Variants in NR3C2 observed in about 807,000 individuals in gnomAD.
NR3C2 encodes the protein mineralocorticoid receptor.
A neutral mutation model predicts 86.4 loss-of-function variants in NR3C2; 15 were observed. That is an observed-to-expected ratio of 0.17 (90% CI 0.12 to 0.27). NR3C2 has a LOEUF of 0.27. Ranked by LOEUF, NR3C2 falls within the 10% of genes least tolerant of loss-of-function variation. The pLI is 1.00. For missense variants in NR3C2, 960 were observed against 1,195.6 expected (o/e 0.80, Z 2.91); for synonymous variants, 458 against 450.5 (o/e 1.02, Z -0.21).
At chr4:148,389,182 G>A (rs1561079339) in intron 2 of NR3C2, among the ~76,000 whole-genome samples, 1 of 152,066 alleles carries the variant, frequency 6.6e-6, no homozygotes, top group East Asian at 1.9e-4. Flanking sequence ...GTTTTTTGAA[G>A]CAATCCAACT....
In NR3C2 at chr4:148,081,369, T is replaced by C. The variant is rs766065448; in HGVS notation, c.2930A>G (p.Lys977Arg). ...TCACTTCCGGTGGAAGTAGAGCGGC[T>C]TGGCGTTCCCCGACTCCACCTTGGG... ...QLPKVESGNA[K>R]PLYFHRK is the part of the protein sequence containing the mutation. The change falls in exon 9 of 9, where the codon AAG becomes AGG. Residue 977 changes from lysine to arginine, a missense_variant. Physicochemically the swap from Lys to Arg is conservative, Grantham distance 26. This residue lies in a region of NR3C2 where 151 missense variants were observed against 296.3 expected (regional missense o/e 0.51). Transcript: ENST00000358102. 1.2e-6 allele frequency: 2 copies of C among 1,614,062 alleles called. No individual in the cohort carries two copies. The highest frequency in any genetic ancestry group is 1.7e-6 in the Non-Finnish European group (2 of 1,180,042).
intron 2 of NR3C2, among the ~76,000 whole-genome samples, chr4:148,291,029 CT>C (rs1741773764): frequency 1.3e-5 from 2 of 152,148 alleles, no homozygotes; most frequent in Admixed American, 1.3e-4. Context: ...CACTCGTCTA[CT>C]TAACAACCAT....
At chr4:148,363,288 G>C (rs1745933124) in intron 2 of NR3C2, among the ~76,000 whole-genome samples, 1 of 152,130 alleles carries the variant, frequency 6.6e-6, no homozygotes, top group African/African-American at 2.4e-5. Flanking sequence ...CTGAAAAGCA[G>C]AGAGATTTTA....
At chr4:148,311,435 A>G (rs1220950047) in intron 2 of NR3C2, among the ~76,000 whole-genome samples, 1 of 152,178 alleles carries the variant, frequency 6.6e-6, no homozygotes, top group Non-Finnish European at 1.5e-5. Flanking sequence ...CCCCGGAGCC[A>G]TCTTTTTCTC....
chr4:148,332,854 A>G (rs1381889305), intron 2 of NR3C2, among the ~76,000 whole-genome samples: 1 of 152,160 alleles, frequency 6.6e-6, no homozygotes, highest in Non-Finnish European at 1.5e-5. Context: ...AGGGTGTGTT[A>G]GAGTGTGTAT....
intron 6 of NR3C2, among the ~76,000 whole-genome samples, chr4:148,134,603 T>TA (rs2149745990): frequency 6.8e-6 from 1 of 147,932 alleles, no homozygotes; most frequent in Non-Finnish European, 1.5e-5. Context: ...GACAACACCT[T>TA]AAAAGTGTTA....
rs1561004196 is a variant in NR3C2 at position 148,257,751 on chromosome 4, CAAAAACACAAAAACAA to C, written c.1897+2211_1897+2226del. Among the ~76,000 whole-genome samples the C allele has an allele frequency of 2.0e-5, 3 of 151,940 alleles. No individual in the cohort carries two copies. In the East Asian group the frequency reaches 5.8e-4, roughly 29 times the overall value. On this transcript the variant is annotated intron_variant, in intron 3 of 8. Coordinates refer to ENST00000358102, the MANE Select transcript of NR3C2 (RefSeq NM_000901.5). ...TAAAAGAGTAAACTAACAAAAAATA[CAAAAACACAAAAACAA>C]ATAGGTCTTTACTCTCATGAATTTT...
rs760282439 is a variant in NR3C2, at chr4:148,081,517, G to A, written c.2800-18C>T. 3 of 1,613,918 alleles carry A rather than the reference G, an allele frequency of 1.9e-6. No individual in the cohort carries two copies. The highest frequency in any genetic ancestry group is 3.3e-5 in the Admixed American group (2 of 60,014). ...CTCACCAGCTGTAACACAGACACAGGGGGCATGACACGGGGGCCTCCTTTC... is the reference window on the plus strand; with the variant it reads ...CTCACCAGCTGTAACACAGACACAGAGGGCATGACACGGGGGCCTCCTTTC... On this transcript the variant is annotated intron_variant, in intron 8 of 8. Transcript: ENST00000358102.
In NR3C2 at chr4:148,109,403, G is replaced by A. The variant is rs559461759; in HGVS notation, c.2799+4701C>T. 7.9e-5 allele frequency among the ~76,000 whole-genome samples: 12 copies of A among 152,292 alleles called. No homozygotes were observed. The South Asian group carries it at 2.1e-3, about 26-fold the overall frequency. ...GTATTTGTTGAATGAGATGAATATC[G>A]TCCTCTATCGATTACTAAGGACAGA... On this transcript the variant is annotated intron_variant, in intron 8 of 8. Transcript: ENST00000358102.
At chr4:148,148,234 G>C (rs1733957262) in intron 6 of NR3C2, among the ~76,000 whole-genome samples, 1 of 152,086 alleles carries the variant, frequency 6.6e-6, no homozygotes, top group African/African-American at 2.4e-5. Context: ...CAGAGGCTTG[G>C]AAGTCTTCCT....
chr4:148,210,505 C>A lies in NR3C2; in HGVS notation c.1898-15643G>T, dbSNP rs940915220. On this transcript the variant is annotated intron_variant, in intron 3 of 8. Coordinates refer to ENST00000358102, the MANE Select transcript of NR3C2 (RefSeq NM_000901.5). ...TGCACCCAGCCACTAATTCTGGGTT[C>A]CTAATGTTCTCTCCAGTGGGCTCCA... 3.3e-5 allele frequency among the ~76,000 whole-genome samples: 5 copies of A among 152,110 alleles called. No homozygotes were observed. In the East Asian group the frequency reaches 9.6e-4, roughly 29 times the overall value.
At chr4:148,169,385 CAT>C (rs1735023871) in intron 4 of NR3C2, among the ~76,000 whole-genome samples, 1 of 151,878 alleles carries the variant, frequency 6.6e-6, no homozygotes, top group African/African-American at 2.4e-5. Context: ...CTGAGAAACA[CAT>C]ATGATATATT....
chr4:148,348,954 C>T (rs1477009594), intron 2 of NR3C2, among the ~76,000 whole-genome samples: 1 of 152,094 alleles, frequency 6.6e-6, no homozygotes, highest in African/African-American at 2.4e-5. Context: ...TTAAGGTTAC[C>T]TTAAGTGTTA....
chr4:148,106,372 A>G (rs1442019083), intron 8 of NR3C2, among the ~76,000 whole-genome samples: 1 of 152,232 alleles, frequency 6.6e-6, no homozygotes, highest in Non-Finnish European at 1.5e-5. Flanking sequence ...GAGGACACAA[A>G]CAAACGGAAA....
intron 2 of NR3C2, among the ~76,000 whole-genome samples, chr4:148,370,122 G>A (rs555059855): frequency 6.6e-6 from 1 of 152,278 alleles, no homozygotes; most frequent in African/African-American, 2.4e-5. Context: ...AGTGACAGGT[G>A]CAAGACAACT....
At chr4:148,385,742 TC>T (rs1189691666) in intron 2 of NR3C2, among the ~76,000 whole-genome samples, 1 of 151,948 alleles carries the variant, frequency 6.6e-6, no homozygotes, top group African/African-American at 2.4e-5. Flanking sequence ...CTGCACATAC[TC>T]CCCCATGCCA....
intron 2 of NR3C2, among the ~76,000 whole-genome samples, chr4:148,393,410 T>C (rs558159476): frequency 2.6e-5 from 4 of 152,292 alleles, no homozygotes; most frequent in South Asian, 4.1e-4. Context: ...GGTAGATCCC[T>C]GAAATGTGCC....
rs1258920945 is a variant in NR3C2, at chr4:148,078,992, T to C, written c.*2352A>G. The C allele has an allele frequency of 6.6e-6, 1 of 152,558 alleles. No individual in the cohort carries two copies. The highest frequency in any genetic ancestry group is 1.5e-5 in the Non-Finnish European group (1 of 68,026). 9.5% of individuals were successfully genotyped at this position (152,558 alleles called of 1,614,324 possible). Reference sequence around the variant, plus strand: ...TTGGACTGGGACAGGCATTCAACAGTGAATTTAGAATATGGCTTTGCTGTT... The same window carrying C: ...TTGGACTGGGACAGGCATTCAACAGCGAATTTAGAATATGGCTTTGCTGTT... On this transcript the variant is annotated 3_prime_UTR_variant, in exon 9 of 9. Transcript: ENST00000358102.
At chr4:148,097,741 G>GTTTTTTTTTT (rs1180902227) in intron 8 of NR3C2, among the ~76,000 whole-genome samples, 2 of 107,502 alleles carry the variant, frequency 1.9e-5, no homozygotes, top group African/African-American at 4.3e-5. Context: ...ACTTTTTTGC[G>GTTTTTTTTTT]TTTTTTTTTG....
Sources: gnomAD v4.1 joint callset for allele counts (sites outside exome capture counted in the v4.1 genomes callset) on GRCh38, gnomAD v4.1.1 for gene constraint, gnomAD v4.1.1 regional missense constraint, MANE v1.5 for transcripts, NCBI Gene and HGNC (gene_info 2026-07-23, HGNC 2026-07-21) for gene names.